ACCS: variants seen among roughly 807,000 people sequenced by gnomAD.
The protein encoded by ACCS is 1-aminocyclopropane-1-carboxylate synthase-like protein 1.
A neutral mutation model predicts 59.8 loss-of-function variants in ACCS; 42 were observed. The ratio of observed to expected loss-of-function variants is 0.70; its 90% CI spans 0.55 to 0.91. ACCS has a LOEUF of 0.91. ACCS is among the 40% of genes least tolerant of loss of function. ACCS has a pLI of 0.00. For synonymous variants in ACCS, 230 were observed against 240.3 expected (o/e 0.96, Z 0.40); for missense variants, 602 against 630.4 (o/e 0.95, Z 0.48).
chr11:44,066,887 C>T, intron 1 of ACCS, among the ~76,000 whole-genome samples, 186 bp downstream of exon 1: 1 of 152,240 alleles, frequency 6.6e-6, no homozygotes, highest in South Asian at 2.1e-4. Flanking sequence ...TTTTATTGAA[C>T]TTTGGTCATC....
intron 9 of ACCS, 98 bp from the exon 10 acceptor site, chr11:44,079,433 C>T: frequency 1.0e-6 from 1 of 989,408 alleles, no homozygotes; most frequent in Non-Finnish European, 1.5e-6. Flanking sequence ...GGGCTAGACC[C>T]CGGCCCCTCT....
chr11:44,077,357 A>C lies in ACCS; in HGVS notation c.635A>C (p.Tyr212Ser), dbSNP rs552451708. 2 of 1,613,998 alleles carry C rather than the reference A, an allele frequency of 1.2e-6. No homozygotes were observed. Among genetic ancestry groups the C allele is most frequent in the Non-Finnish European group, 1.7e-6 (2 of 1,180,010 alleles). The change falls in exon 7 of 15, where the codon TAT (tyrosine) becomes TCT (serine). Residue 212 changes from tyrosine to serine, a missense_variant. Coordinates refer to ENST00000263776, the MANE Select transcript of ACCS (RefSeq NM_032592.4). ...CTCTATGGCAACATCCGGCTGGCCT[A>C]TGTCTACCTGGACAGTGAGGTAAGA... is the stretch of plus-strand genomic sequence containing the variant. ...VCLYGNIRLA[Y>S]VYLDSEVTGL...
intron 6 of ACCS, 53 bp downstream of exon 6, chr11:44,075,645 G>A: frequency 6.3e-7 from 1 of 1,595,070 alleles, no homozygotes; most frequent in Non-Finnish European, 8.6e-7. Flanking sequence ...GTGCTTGCAG[G>A]GTTCCCAGTT....
chr11:44,067,935 C>T lies in ACCS; in HGVS notation c.288+20C>T. 3 of 1,575,840 alleles carry T rather than the reference C, an allele frequency of 1.9e-6. No homozygotes were observed. The highest frequency in any genetic ancestry group is 2.6e-6 in the Non-Finnish European group (3 of 1,162,238). On this transcript the variant is annotated intron_variant, in intron 2 of 14. Coordinates refer to ENST00000263776, the MANE Select transcript of ACCS (RefSeq NM_032592.4). Reference sequence around the variant, plus strand: ...CCCAGTGTGAGTGAAGCTCCCCTCCCACTGGGACCCAAGAGAGAACTGCAG... The same window carrying T: ...CCCAGTGTGAGTGAAGCTCCCCTCCTACTGGGACCCAAGAGAGAACTGCAG...
chr11:44,071,447 G>T, intron 3 of ACCS, 132 bp downstream of exon 3: 1 of 929,274 alleles, frequency 1.1e-6, no homozygotes, highest in Non-Finnish European at 1.7e-6. Context: ...CGGGTTCCAG[G>T]CCTACCTTGG....
At position 44,078,702 on chromosome 11, in the gene ACCS, C is replaced by T. The variant is rs371748390; in HGVS notation, c.751C>T (p.Leu251Phe). The T allele has an allele frequency of 1.9e-6, 3 of 1,614,022 alleles. No homozygotes were observed. Among genetic ancestry groups the T allele is most frequent in the Non-Finnish European group, 2.5e-6 (3 of 1,179,998 alleles). ...GTTTCAGGGTGTGAAGGTCAAAGGC[C>T]TCATCCTCATCAGCCCCCAGAACCC... ...AHSEGVKVKG[L>F]ILISPQNPLG... The change falls in exon 9 of 15, where the codon CTC (leucine) becomes TTC (phenylalanine). Residue 251 changes from leucine to phenylalanine, a missense_variant. Physicochemically the swap from Leu to Phe is conservative, Grantham distance 22. Coordinates refer to ENST00000263776, the MANE Select transcript of ACCS (RefSeq NM_032592.4).
At chr11:44,076,690 G>T (rs1259250133) in intron 6 of ACCS, among the ~76,000 whole-genome samples, 3 of 152,226 alleles carry the variant, frequency 2.0e-5, no homozygotes, top group African/African-American at 7.2e-5. Flanking sequence ...TTCCCATCAC[G>T]TCGTAAATGC....
rs1421246262 is a variant in ACCS at position 44,083,266 on chromosome 11, C to T, written c.1209C>T (p.Phe403=). Residue 403 remains phenylalanine, a synonymous_variant, in exon 13 of 15, where the codon TTC becomes TTT. Coordinates refer to ENST00000263776, the MANE Select transcript of ACCS (RefSeq NM_032592.4). ...SEELRALGIP[F]LSRGAGFFIW... is the part of the protein sequence containing the mutation. ...AGCTTAGGGCATTGGGGATCCCCTTCTTGAGTCGTGGGGCTGGCTTCTTCA... is the reference window on the plus strand; with the variant it reads ...AGCTTAGGGCATTGGGGATCCCCTTTTTGAGTCGTGGGGCTGGCTTCTTCA... 1 of 1,614,176 alleles carries T rather than the reference C, an allele frequency of 6.2e-7. No homozygotes were observed. Among genetic ancestry groups the T allele is most frequent in the Non-Finnish European group, 8.5e-7 (1 of 1,180,040 alleles).
chr11:44,073,026 A>G (rs969140548), intron 3 of ACCS, among the ~76,000 whole-genome samples: 1 of 152,182 alleles, frequency 6.6e-6, no homozygotes, highest in African/African-American at 2.4e-5. Flanking sequence ...AGCTTGCAGG[A>G]AGACAGTGGC....
At chr11:44,074,756 C>CTTTCTTTCTTTCTTTCTTTCTTTCTTTT (rs1554993153) in intron 5 of ACCS, 75 bp downstream of exon 5, 1 of 492,838 alleles carries the variant, frequency 2.0e-6, no homozygotes, top group African/African-American at 2.3e-5. Flanking sequence ...TTCTTTCTTT[C>CTTTCTTTCTTTCTTTCTTTCTTTCTTTT]TTTCTTTCTT....
In ACCS at chr11:44,083,745, G is replaced by A; in HGVS notation, c.1459G>A (p.Asp487Asn). 2 of 1,614,012 alleles carry A rather than the reference G, an allele frequency of 1.2e-6. No individual in the cohort carries two copies. The highest frequency in any genetic ancestry group is 1.7e-6 in the Non-Finnish European group (2 of 1,179,914). Residue 487 changes from aspartate (D) to asparagine (N), a missense_variant, in exon 15 of 15, where the codon GAC (aspartate) becomes AAC (asparagine). Coordinates refer to ENST00000263776, the MANE Select transcript of ACCS (RefSeq NM_032592.4). ...VLAGKSQVAE[D>N]PRPSQSQEPS... is the part of the protein sequence containing the mutation. ...TGCAGGCAAATCCCAAGTGGCAGAA[G>A]ACCCCCGTCCCTCTCAGAGCCAGGA...
At chr11:44,078,497 C>A (rs1953483111) in intron 8 of ACCS, 187 bp from the exon 9 acceptor site, 1 of 520,484 alleles carries the variant, frequency 1.9e-6, no homozygotes, top group South Asian at 3.7e-5. Context: ...TTCTCTGGGC[C>A]TTGTCCTCCG....
rs566521070 is a variant in ACCS, at chr11:44,079,124, C to A, written c.833+340C>A. 19 of 380,534 alleles carry A rather than the reference C, an allele frequency of 5.0e-5. 1 individual carries two copies. The Admixed American group carries it at 6.6e-4, about 13-fold the overall frequency. The allele number at this position is 380,534 out of a possible 1,614,324, so 23.6% of individuals were successfully genotyped here. ...TACAATCCTCACAACAACCCTCATA[C>A]AATCCTTACAACAATCCTTACAACA... On this transcript the variant is annotated intron_variant, in intron 9 of 14. Transcript: ENST00000263776.
At chr11:44,076,078 C>T (rs1953348179) in intron 6 of ACCS, among the ~76,000 whole-genome samples, 1 of 152,196 alleles carries the variant, frequency 6.6e-6, no homozygotes, top group South Asian at 2.1e-4. Context: ...CCCCCAGGGA[C>T]AGGGGAAGGC....
Position 44,077,304 on chromosome 11 carries a change from C to T in ACCS, c.582C>T (p.Tyr194=), listed in dbSNP as rs1953416759. The T allele has an allele frequency of 6.2e-7, 1 of 1,614,032 alleles. No individual in the cohort carries two copies. Among genetic ancestry groups the T allele is most frequent in the African/African-American group, 1.3e-5 (1 of 74,930 alleles). ...AGGCTTTCCTGATCCCCACCCCTTACTATGGCGCTATCACACAGCACGTGT... is the reference window on the plus strand; with the variant it reads ...AGGCTTTCCTGATCCCCACCCCTTATTATGGCGCTATCACACAGCACGTGT... The part of the protein sequence containing the change: ...AGEAFLIPTP[Y]YGAITQHVCL... The change falls in exon 7 of 15, where the codon TAC becomes TAT. Residue 194 remains tyrosine, a synonymous_variant. Transcript: ENST00000263776.
intron 2 of ACCS, among the ~76,000 whole-genome samples, chr11:44,069,693 G>T (rs375040734): frequency 6.6e-6 from 1 of 152,188 alleles, no homozygotes; most frequent in Non-Finnish European, 1.5e-5. Context: ...CCTTCTCCAC[G>T]TGGGCTTCTT....
chr11:44,083,124 A>C, intron 12 of ACCS, 45 bp from the exon 13 acceptor site: 1 of 1,593,344 alleles, frequency 6.3e-7, no homozygotes. Context: ...GACCAAGTAG[A>C]GGGTTGATGG....
intron 12 of ACCS, among the ~76,000 whole-genome samples, chr11:44,081,657 T>C (rs931219443): frequency 2.0e-5 from 3 of 152,232 alleles, no homozygotes; most frequent in African/African-American, 7.2e-5. Flanking sequence ...TCATTATGAC[T>C]AGCTGTGTGA....
chr11:44,083,801 T>C lies in ACCS; in HGVS notation c.*9T>C, dbSNP rs777836341. 1 of 1,595,024 alleles carries C rather than the reference T, an allele frequency of 6.3e-7. No individual in the cohort carries two copies. The stretch of plus-strand genomic sequence containing the variant: ...GTGACCAACGCAGGTGAGCTGGTCA[T>C]TGTCTCGTGGCCAGAGGGCCCAGCA... On this transcript the variant is annotated 3_prime_UTR_variant, in exon 15 of 15. Transcript: ENST00000263776.
Sources: gnomAD v4.1 joint callset for allele counts (sites outside exome capture counted in the v4.1 genomes callset) on GRCh38, gnomAD v4.1.1 for gene constraint, MANE v1.5 for transcripts, NCBI Gene and HGNC (gene_info 2026-07-23, HGNC 2026-07-21) for gene names.